The following PIK3R3 variants were observed in gnomAD, a reference collection of about 807,000 sequenced individuals.
PIK3R3 encodes phosphoinositide-3-kinase regulatory subunit 3.
PIK3R3 carries 64 observed loss-of-function variants against 62.9 expected under a neutral mutation model. The observed-to-expected ratio is 1.02, with a 90% CI of 0.83 to 1.25. The LOEUF is 1.25. PIK3R3 is among the 50% of genes most tolerant of loss of function. PIK3R3 has a pLI of 0.00. For missense variants in PIK3R3, 614 were observed against 561.6 expected (o/e 1.09, Z -0.94); for synonymous variants, 165 against 189.0 (o/e 0.87, Z 1.04).
At chr1:46,101,171 CAAA>C (rs1171228788) in intron 1 of PIK3R3, among the ~76,000 whole-genome samples, 6 of 73,552 alleles carry the variant, frequency 8.2e-5, no homozygotes, top group Admixed American at 3.3e-4. Flanking sequence ...GACTCCGTCT[CAAA>C]AAAAAAAAAA....
chr1:46,164,117 G>A, the PIK3R3 span, among the ~76,000 whole-genome samples: 398 of 152,248 alleles, frequency 2.6e-3, 1 homozygote, highest in Middle Eastern at 6.8e-3. Context: ...GTAGTTAACA[G>A]GTAGGAGGAT....
intron 7 of PIK3R3, among the ~76,000 whole-genome samples, chr1:46,049,676 C>G (rs763756471): frequency 6.6e-6 from 1 of 152,200 alleles, no homozygotes; most frequent in Admixed American, 6.5e-5. Flanking sequence ...GGACTTTGTG[C>G]TCCTCTAATT....
At chr1:46,114,401 C>G (rs1284133863) in intron 1 of PIK3R3, among the ~76,000 whole-genome samples, 2 of 152,222 alleles carry the variant, frequency 1.3e-5, no homozygotes, top group African/African-American at 4.8e-5. Context: ...CCTCCCCTCA[C>G]TGGTAAAAAG....
rs1188689612 is a variant in PIK3R3, at chr1:46,061,953, T to C, written c.740A>G (p.Glu247Gly). Residue 247 changes from glutamate (E) to glycine (G), a missense_variant, in exon 6 of 10, where the codon GAG (glutamate) becomes GGG (glycine). By Grantham distance (98) the Glu-to-Gly change is moderately conservative. Transcript: ENST00000262741. ...CCGTTCAATCTCCTTTTCATTCCCC[T>C]CTCTGCGAAATCGCTCAATATATTC... is the stretch of plus-strand genomic sequence containing the variant. Reference protein sequence around the residue: ...SKEYIERFRREGNEKEIERIM... With the variant: ...SKEYIERFRRGGNEKEIERIM... 3 of 1,613,456 alleles carry C rather than the reference T, an allele frequency of 1.9e-6. No homozygotes were observed. The highest frequency in any genetic ancestry group is 2.7e-5 in the African/African-American group (2 of 74,918).
At chr1:46,091,287 C>T (rs950413949) in intron 1 of PIK3R3, among the ~76,000 whole-genome samples, 22 of 151,892 alleles carry the variant, frequency 1.4e-4, no homozygotes, top group Non-Finnish European at 2.6e-4. Flanking sequence ...ACTATAGGCA[C>T]GTGCTATCAC....
intron 1 of PIK3R3, among the ~76,000 whole-genome samples, chr1:46,096,097 A>T (rs1436249634): frequency 6.6e-6 from 1 of 152,204 alleles, no homozygotes; most frequent in Non-Finnish European, 1.5e-5. Flanking sequence ...TGGATTAATT[A>T]TATGTTCTAG....
At chr1:46,133,810 T>TAAA (rs112127024), upstream of PIK3R3, among the ~76,000 whole-genome samples, 1 of 142,742 alleles carries the variant, frequency 7.0e-6, no homozygotes. Flanking sequence ...TCAAACCAAT[T>TAAA]AAAAAAAAAA....
intron 1 of PIK3R3, among the ~76,000 whole-genome samples, chr1:46,120,488 G>A (rs200082922): frequency 3.9e-5 from 6 of 152,146 alleles, no homozygotes; most frequent in Non-Finnish European, 5.9e-5. Context: ...CAGGAGAATC[G>A]CTTGAACCCG....
the PIK3R3 span, among the ~76,000 whole-genome samples, chr1:46,141,551 G>A: frequency 1.4e-4 from 21 of 152,306 alleles, no homozygotes; most frequent in South Asian, 1.2e-3. Context: ...GATTACAGGC[G>A]TGAGCCACCG....
the PIK3R3 span, among the ~76,000 whole-genome samples, chr1:46,162,564 A>C: frequency 1.3e-5 from 2 of 152,194 alleles, no homozygotes; most frequent in African/African-American, 2.4e-5. Flanking sequence ...CATATACCCC[A>C]AAATTTAAAA....
At chr1:46,168,795 G>C in the PIK3R3 span, among the ~76,000 whole-genome samples, 1 of 152,112 alleles carries the variant, frequency 6.6e-6, no homozygotes, top group African/African-American at 2.4e-5. Context: ...GGGATGGTGG[G>C]GAGGGTGAAC....
Position 46,132,170 on chromosome 1 carries a change from G to A in PIK3R3, c.-218C>T, listed in dbSNP as rs1655671500. On this transcript the variant is annotated 5_prime_UTR_variant, in exon 1 of 10. Transcript: ENST00000262741. Reference sequence around the variant, plus strand: ...AATGCCCCCGAACTTTCAAGCTATGGGCTTTTCTCCTCAGAGGATTACACA... The same window carrying A: ...AATGCCCCCGAACTTTCAAGCTATGAGCTTTTCTCCTCAGAGGATTACACA... The A allele has an allele frequency of 2.3e-6, 3 of 1,326,932 alleles. No individual in the cohort carries two copies. In the South Asian group the frequency reaches 5.0e-5, roughly 22 times the overall value. 82.2% of individuals were successfully genotyped at this position (1,326,932 alleles called of 1,614,324 possible).
chr1:46,155,414 A>C, the PIK3R3 span, among the ~76,000 whole-genome samples: 1 of 151,012 alleles, frequency 6.6e-6, no homozygotes, highest in East Asian at 1.9e-4. Flanking sequence ...AGTGCCTAGA[A>C]TGCTGCTCCA....
chr1:46,097,835 G>A (rs1172967153), intron 1 of PIK3R3, among the ~76,000 whole-genome samples: 2 of 147,410 alleles, frequency 1.4e-5, no homozygotes, highest in Admixed American at 1.4e-4. Flanking sequence ...GTTGCAGTGA[G>A]CTGAGATCAC....
chr1:46,055,110 T>C (rs1647758073), intron 7 of PIK3R3, among the ~76,000 whole-genome samples: 1 of 142,976 alleles, frequency 7.0e-6, no homozygotes. Context: ...CACCATCTTT[T>C]TTTTTTTTTT....
At chr1:46,050,426 G>A (rs1571353717) in intron 7 of PIK3R3, among the ~76,000 whole-genome samples, 1 of 151,982 alleles carries the variant, frequency 6.6e-6, no homozygotes, top group Middle Eastern at 3.4e-3. Context: ...TTAGCTGGAG[G>A]TGGTGGTATG....
intron 1 of PIK3R3, among the ~76,000 whole-genome samples, chr1:46,086,079 A>T (rs1276411707): frequency 6.6e-6 from 1 of 152,198 alleles, no homozygotes; most frequent in Admixed American, 6.5e-5. Context: ...ATACAGAAAG[A>T]TATTTTCAAT....
At chr1:46,060,826 C>T (rs1648415503) in intron 6 of PIK3R3, among the ~76,000 whole-genome samples, 1 of 152,232 alleles carries the variant, frequency 6.6e-6, no homozygotes, top group African/African-American at 2.4e-5. Flanking sequence ...TACACTAATA[C>T]TGTGGTCCTA....
At chr1:46,125,501 G>C (rs936964883) in intron 1 of PIK3R3, among the ~76,000 whole-genome samples, 3 of 152,188 alleles carry the variant, frequency 2.0e-5, no homozygotes, top group Non-Finnish European at 4.4e-5. Flanking sequence ...TGAAGTGGCA[G>C]ATGACCTATT....
Sources: gnomAD v4.1 joint callset for allele counts (sites outside exome capture counted in the v4.1 genomes callset) on GRCh38, gnomAD v4.1.1 for gene constraint, MANE v1.5 for transcripts, NCBI Gene and HGNC (gene_info 2026-07-23, HGNC 2026-07-21) for gene names.